TSC2: variants seen among roughly 807,000 people sequenced by gnomAD.
TSC2 encodes the protein TSC complex subunit 2.
A neutral mutation model predicts 202.2 loss-of-function variants in TSC2; 29 were observed. That is an observed-to-expected ratio of 0.14 (90% confidence interval 0.11 to 0.20). TSC2 has a LOEUF of 0.20. Among genes scored for constraint, TSC2 ranks in the 10% least tolerant of loss-of-function variants. The probability of loss-of-function intolerance (pLI) is 1.00; values close to 1 mark genes in which losing one functional copy is unlikely to be tolerated. For missense variants in TSC2, 2,429 were observed against 2,420.0 expected, an observed-to-expected ratio of 1.00 and a Z score of -0.08; for synonymous variants, 1,349 against 1,044.0, an observed-to-expected ratio of 1.29 and a Z score of -5.63.
chr16:2,086,036 C>T (rs1348339641), intron 36 of TSC2, among the ~76,000 whole-genome samples, 157 bp from the exon 37 acceptor site: 3 of 152,148 alleles, frequency 2.0e-5, no homozygotes, highest in Non-Finnish European at 4.4e-5. Context: ...AGGATGACAC[C>T]CGATGTCTGG....
At chr16:2,061,208 A>G in intron 11 of TSC2, 1 of 322,692 alleles carries the variant, frequency 3.1e-6, no homozygotes, top group Non-Finnish European at 6.1e-6. Flanking sequence ...TTTAAGGAGG[A>G]CTCCACGGCC....
chr16:2,058,960 GC>G, intron 10 of TSC2, 87 bp downstream of exon 10: 1 of 1,550,576 alleles, frequency 6.4e-7, no homozygotes, highest in South Asian at 1.2e-5. Context: ...GGGTCCTGCT[GC>G]GGGGGCTGCG....
intron 21 of TSC2, 130 bp downstream of exon 21, chr16:2,073,113 C>T (rs1370758981): frequency 6.9e-7 from 1 of 1,441,012 alleles, no homozygotes; most frequent in Non-Finnish European, 9.4e-7. Context: ...GGCTCTGCTT[C>T]CCTGGGTGGC....
intron 11 of TSC2, chr16:2,061,231 C>A (rs891159631): frequency 3.1e-6 from 1 of 320,320 alleles, no homozygotes; most frequent in Non-Finnish European, 6.1e-6. Flanking sequence ...ACGGGCTCAT[C>A]AGCATAGGGG....
At chr16:2,060,963 C>G in intron 11 of TSC2, 150 bp downstream of exon 11, 1 of 983,352 alleles carries the variant, frequency 1.0e-6, no homozygotes. Context: ...TGGCGCTCAT[C>G]CACCTTCCAC....
Position 2,072,932 on chromosome 16 carries a change from A to C in TSC2, c.2304A>C (p.Pro768=). The C allele has an allele frequency of 6.2e-7, 1 of 1,613,626 alleles. No homozygotes were observed. The change falls in exon 21 of 42, where the codon CCA becomes CCC. Residue 768 remains proline, a synonymous_variant. Transcript: ENST00000219476. The part of the protein sequence containing the change: ...SRTDLHLAVV[P]VLTALISYHN... ...CTGACTTGCACCTGGCCGTGGTTCCAGTGCTGACAGCATTAATCTCTTACC... is the reference window on the plus strand; with the variant it reads ...CTGACTTGCACCTGGCCGTGGTTCCCGTGCTGACAGCATTAATCTCTTACC...
At position 2,076,169 on chromosome 16, in the gene TSC2, A is replaced by C. The variant is rs1405342761; in HGVS notation, c.2741A>C (p.Lys914Thr). Residue 914 changes from lysine to threonine, a missense_variant and splice_region_variant, in exon 24 of 42, where the codon AAG becomes ACG. Transcript: ENST00000219476. Reference protein sequence around the residue: ...FRKDFVPFITKGLRSNVLLSF... With the variant: ...FRKDFVPFITTGLRSNVLLSF... ...AAGGATTTTGTCCCTTTCATCACTA[A>C]GGTGGGCTCAGGGCCGGTGAAGGCT... 6.2e-7 allele frequency: 1 copy of C among 1,613,034 alleles called. No homozygotes were observed. Among genetic ancestry groups the C allele is most frequent in the African/African-American group, 1.3e-5 (1 of 74,736 alleles).
intron 7 of TSC2, 101 bp from the exon 8 acceptor site, chr16:2,056,543 T>G (rs2085852719): frequency 6.6e-7 from 1 of 1,515,202 alleles, no homozygotes; most frequent in Non-Finnish European, 8.9e-7. Context: ...CGGGGAGAGG[T>G]GGCAGCGCAG....
At chr16:2,087,174 C>T (rs1293653514) in intron 38 of TSC2, 4 of 466,752 alleles carry the variant, frequency 8.6e-6, no homozygotes, top group South Asian at 2.0e-5. Context: ...CTTGGGCCCC[C>T]ACCATCTCCC....
intron 17 of TSC2, among the ~76,000 whole-genome samples, chr16:2,070,939 G>C (rs533536907): frequency 1.1e-4 from 17 of 151,976 alleles, no homozygotes; most frequent in South Asian, 2.1e-4. Context: ...AGAGCTGAGA[G>C]GGCAGAGCTG....
Position 2,048,769 on chromosome 16 carries a change from G to A in TSC2, c.138+16G>A, listed in dbSNP as rs1555494744. On this transcript the variant is annotated intron_variant, in intron 2 of 41. Transcript: ENST00000219476. ...AATACTGAGAGTGAGTGAGCTACCT[G>A]TGTCTTTGCTAGGCTAGAGGGAAAT... The A allele has an allele frequency of 2.5e-6, 4 of 1,614,002 alleles. No individual in the cohort carries two copies. The highest frequency in any genetic ancestry group is 3.4e-6 in the Non-Finnish European group (4 of 1,179,996).
At chr16:2,075,969 T>G in intron 23 of TSC2, 77 bp downstream of exon 23, 1 of 1,611,940 alleles carries the variant, frequency 6.2e-7, no homozygotes, top group Non-Finnish European at 8.5e-7. Flanking sequence ...CCCGGCAGCC[T>G]TTGTCCCCAA....
At chr16:2,054,886 G>A (rs1480879967) in intron 5 of TSC2, 3 of 330,856 alleles carry the variant, frequency 9.1e-6, no homozygotes, top group African/African-American at 6.4e-5. Flanking sequence ...AGTAGAGAAA[G>A]AGGAGGAAGA....
intron 26 of TSC2, chr16:2,078,209 A>ATGGGCC (rs1045745758): frequency 4.8e-6 from 1 of 209,338 alleles, no homozygotes; most frequent in Admixed American, 5.3e-5. Context: ...GGGCATGGGC[A>ATGGGCC]TGGGCCTGGG....
chr16:2,062,763 C>G, intron 13 of TSC2, 163 bp downstream of exon 13: 1 of 930,092 alleles, frequency 1.1e-6, no homozygotes, highest in Non-Finnish European at 1.7e-6. Context: ...GCTTTCCAGT[C>G]CAGCAGGACA....
chr16:2,058,667 C>T (rs758501390), intron 9 of TSC2, 80 bp from the exon 10 acceptor site: 2 of 1,540,714 alleles, frequency 1.3e-6, no homozygotes, highest in East Asian at 2.4e-5. Flanking sequence ...GCTGCAGGAG[C>T]CTCGGCAACC....
chr16:2,048,416 G>C, intron 1 of TSC2, 171 bp from the exon 2 acceptor site: 2 of 921,234 alleles, frequency 2.2e-6, no homozygotes, highest in Middle Eastern at 2.5e-4. Flanking sequence ...GGCTTTCCTA[G>C]GTGCCTGTTT....
chr16:2,074,295 C>T lies in TSC2; in HGVS notation c.2451C>T (p.Asp817=), dbSNP rs201442542. 5.1e-4 allele frequency: 819 copies of T among 1,613,236 alleles called. 5 individuals are homozygous for T. In the South Asian group the frequency reaches 5.7e-3, roughly 11 times the overall value. The change falls in exon 22 of 42, where the codon GAC becomes GAT. Residue 817 remains aspartate (D), a synonymous_variant. Coordinates refer to ENST00000219476, the MANE Select transcript of TSC2 (RefSeq NM_000548.5). ...ALSICSVEMP[D]IIIKALPVLV... Reference sequence around the variant, plus strand: ...CCATCTGCAGCGTGGAGATGCCTGACATCATCATCAAGGCGCTGCCTGTTC... The same window carrying T: ...CCATCTGCAGCGTGGAGATGCCTGATATCATCATCAAGGCGCTGCCTGTTC...
chr16:2,084,871 G>A (rs2090569224), intron 34 of TSC2, 80 bp from the exon 35 acceptor site: 3 of 1,605,666 alleles, frequency 1.9e-6, no homozygotes, highest in Non-Finnish European at 2.6e-6. Flanking sequence ...GAGATGGCCA[G>A]GCTCTGTGTT....
Sources: allele counts gnomAD v4.1 joint callset (sites outside exome capture counted in the v4.1 genomes callset), GRCh38; gene constraint gnomAD v4.1.1; transcripts MANE v1.5; gene names NCBI Gene and HGNC (gene_info 2026-07-23, HGNC 2026-07-21).